ZBTB20: variants seen among roughly 807,000 people sequenced by gnomAD.
The protein encoded by ZBTB20 is zinc finger and BTB domain containing 20, also known as zinc finger and BTB domain-containing protein 20.
ZBTB20 carries 9 observed loss-of-function variants against 56.9 expected under a neutral mutation model. The observed-to-expected ratio is 0.16, with a 90% CI of 0.10 to 0.28. The LOEUF is 0.28. Ranked by LOEUF, ZBTB20 falls within the 10% of genes least tolerant of loss-of-function variation. The pLI is 1.00. For missense variants in ZBTB20, 655 were observed against 1,003.0 expected (o/e 0.65, Z 4.69); for synonymous variants, 417 against 420.7 (o/e 0.99, Z 0.11).
At chr3:114,799,137 C>T (rs933482240) in intron 5 of ZBTB20, among the ~76,000 whole-genome samples, 1 of 151,786 alleles carries the variant, frequency 6.6e-6, no homozygotes, top group South Asian at 2.1e-4. Context: ...GCCTCTTGAC[C>T]CAATACTTAT....
intron 6 of ZBTB20, among the ~76,000 whole-genome samples, chr3:114,620,040 T>G (rs1161170144): frequency 6.6e-6 from 1 of 152,228 alleles, no homozygotes; most frequent in Non-Finnish European, 1.5e-5. Context: ...TCTGGTACTT[T>G]CTGACTACAT....
chr3:114,982,158 G>C (rs1471978749), intron 2 of ZBTB20, among the ~76,000 whole-genome samples: 1 of 151,994 alleles, frequency 6.6e-6, no homozygotes, highest in African/African-American at 2.4e-5. Context: ...GGATAAATAT[G>C]TGAATGATTA....
intron 1 of ZBTB20, among the ~76,000 whole-genome samples, chr3:115,146,251 T>C (rs1338555632): frequency 6.6e-6 from 1 of 152,184 alleles, no homozygotes; most frequent in Non-Finnish European, 1.5e-5. Flanking sequence ...ATTGTGTTTT[T>C]CGCTAATGTT....
rs182111893 is a variant in ZBTB20 at position 114,464,999 on chromosome 3, C to T, written c.-255+35353G>A. Reference sequence around the variant, plus strand: ...CTTCGTTTTTCCTTCTCCCCCAACCCCCACACACTCCCTTCAAATAGAACT... The same window carrying T: ...CTTCGTTTTTCCTTCTCCCCCAACCTCCACACACTCCCTTCAAATAGAACT... On this transcript the variant is annotated intron_variant, in intron 7 of 11. Transcript: ENST00000675478. Among the ~76,000 whole-genome samples, 149 of 151,916 alleles carry T rather than the reference C, an allele frequency of 9.8e-4. 1 individual carries two copies. Among genetic ancestry groups the T allele is most frequent in the African/African-American group, 3.5e-3 (144 of 41,422 alleles).
At chr3:114,577,978 G>T (rs548881907) in intron 6 of ZBTB20, among the ~76,000 whole-genome samples, 2 of 152,072 alleles carry the variant, frequency 1.3e-5, no homozygotes, top group African/African-American at 4.8e-5. Context: ...ATCAATAATT[G>T]TAACATTCAC....
Position 115,038,612 on chromosome 3 carries a change from T to C in ZBTB20, c.-507+32607A>G, listed in dbSNP as rs148717750. On this transcript the variant is annotated intron_variant, in intron 2 of 11. Transcript: ENST00000675478. ...ATACATTTTCCTTGAATTTTTATTA[T>C]AAAACTGCAGCTAAATTTTGCCTAA... 7.5e-4 allele frequency among the ~76,000 whole-genome samples: 114 copies of C among 152,260 alleles called. 1 individual carries two copies. The highest frequency in any genetic ancestry group is 2.6e-3 in the African/African-American group (109 of 41,562).
intron 6 of ZBTB20, among the ~76,000 whole-genome samples, chr3:114,605,268 T>C (rs1178914376): frequency 6.6e-6 from 1 of 152,210 alleles, no homozygotes; most frequent in African/African-American, 2.4e-5. Flanking sequence ...TTTCTCATGT[T>C]TGTATTGAGA....
chr3:114,475,762 A>G (rs550245280), intron 7 of ZBTB20, among the ~76,000 whole-genome samples: 1 of 152,332 alleles, frequency 6.6e-6, no homozygotes, highest in Non-Finnish European at 1.5e-5. Flanking sequence ...TGGAAACCAT[A>G]AAATAACATT....
At chr3:115,001,264 ACT>A (rs1012026186) in intron 2 of ZBTB20, among the ~76,000 whole-genome samples, 23 of 151,298 alleles carry the variant, frequency 1.5e-4, no homozygotes. Context: ...AAATTCTAGC[ACT>A]CTATTCCTAC....
At chr3:114,956,435 T>C (rs1055000213) in intron 3 of ZBTB20, among the ~76,000 whole-genome samples, 2 of 152,152 alleles carry the variant, frequency 1.3e-5, no homozygotes, top group Admixed American at 1.3e-4. Context: ...ATCCTGGAAA[T>C]AGGCCAATAA....
chr3:114,880,928 T>C (rs921502392), intron 4 of ZBTB20, among the ~76,000 whole-genome samples: 1 of 152,160 alleles, frequency 6.6e-6, no homozygotes, highest in African/African-American at 2.4e-5. Flanking sequence ...GGTGATTTTC[T>C]TGTCTTCTTT....
rs1317887757 is a variant in ZBTB20, at chr3:114,326,401, G to T, written c.*12604C>A. The T allele has an allele frequency of 3.3e-5, 5 of 152,072 alleles. No individual in the cohort carries two copies. The highest frequency in any genetic ancestry group is 1.2e-4 in the African/African-American group (5 of 41,420). The allele number at this position is 152,072 out of a possible 1,614,324, so 9.4% of individuals were successfully genotyped here. A position where few individuals can be genotyped will look rare whatever the true frequency, so the allele number is the denominator to read the frequency against. On this transcript the variant is annotated 3_prime_UTR_variant, in exon 12 of 12. Coordinates refer to ENST00000675478, the MANE Select transcript of ZBTB20 (RefSeq NM_001348800.3). Reference sequence around the variant, plus strand: ...CAAGGAACAGGTTTTTGTTTTAACTGTTCTATCCTCAAAGTAAAGAGAGAA... The same window carrying T: ...CAAGGAACAGGTTTTTGTTTTAACTTTTCTATCCTCAAAGTAAAGAGAGAA...
chr3:114,791,718 T>C (rs909308896), intron 5 of ZBTB20: 5 of 152,184 alleles, frequency 3.3e-5, no homozygotes, highest in South Asian at 2.1e-4. Context: ...ATGGTCAAGA[T>C]AGTACATTTG....
chr3:114,809,336 G>C (rs1040487231), intron 4 of ZBTB20, among the ~76,000 whole-genome samples: 1 of 151,812 alleles, frequency 6.6e-6, no homozygotes, highest in African/African-American at 2.4e-5. Context: ...GTCTCTCACA[G>C]GTCTCCGAAG....
At chr3:114,409,922 T>G (rs1036237704) in intron 7 of ZBTB20, among the ~76,000 whole-genome samples, 3 of 152,202 alleles carry the variant, frequency 2.0e-5, no homozygotes, top group Non-Finnish European at 4.4e-5. Flanking sequence ...GGTGACTATA[T>G]GTTGGGATTC....
At chr3:114,391,380 A>G (rs1470802732) in intron 7 of ZBTB20, among the ~76,000 whole-genome samples, 3 of 152,190 alleles carry the variant, frequency 2.0e-5, no homozygotes, top group South Asian at 4.1e-4. Flanking sequence ...ACTCTTTCCT[A>G]CCATGTTCAT....
chr3:114,965,097 C>G (rs943910804), intron 3 of ZBTB20, among the ~76,000 whole-genome samples: 3 of 152,114 alleles, frequency 2.0e-5, no homozygotes, highest in African/African-American at 7.2e-5. Context: ...CCTGAGAAAT[C>G]TGCAAATAAT....
chr3:114,911,799 G>C (rs902787576), intron 3 of ZBTB20, among the ~76,000 whole-genome samples: 1 of 151,848 alleles, frequency 6.6e-6, no homozygotes, highest in East Asian at 1.9e-4. Flanking sequence ...ACAAAAATAT[G>C]AATTAGGAAT....
At chr3:114,944,706 T>C (rs1249313626) in intron 3 of ZBTB20, among the ~76,000 whole-genome samples, 1 of 145,672 alleles carries the variant, frequency 6.9e-6, no homozygotes, top group Non-Finnish European at 1.5e-5. Flanking sequence ...GAAGATACTA[T>C]GTTATGTGAA....
Sources: allele counts gnomAD v4.1 joint callset (sites outside exome capture counted in the v4.1 genomes callset), GRCh38; gene constraint gnomAD v4.1.1; transcripts MANE v1.5; gene names NCBI Gene and HGNC (gene_info 2026-07-23, HGNC 2026-07-21).